KIF3C: variants seen among roughly 807,000 people sequenced by gnomAD.
KIF3C encodes kinesin family member 3C.
A neutral mutation model predicts 67.7 loss-of-function variants in KIF3C; 12 were observed. The observed-to-expected ratio is 0.18, with a 90% CI of 0.11 to 0.29. KIF3C has a LOEUF of 0.29. Among genes scored for constraint, KIF3C ranks in the 10% least tolerant of loss-of-function variants. The pLI is 1.00. For synonymous variants in KIF3C, 393 were observed against 426.2 expected (o/e 0.92, Z 0.96); for missense variants, 789 against 1,059.6 (o/e 0.74, Z 3.55).
At chr2:25,976,641 A>AT (rs1265478162) in intron 1 of KIF3C, among the ~76,000 whole-genome samples, 1 of 152,082 alleles carries the variant, frequency 6.6e-6, no homozygotes, top group Non-Finnish European at 1.5e-5. Context: ...GGCACCTGTA[A>AT]TCCCAGCTAC....
At chr2:25,949,497 T>C (rs1414245917) in intron 5 of KIF3C, among the ~76,000 whole-genome samples, 1 of 151,366 alleles carries the variant, frequency 6.6e-6, no homozygotes, top group Non-Finnish European at 1.5e-5. Context: ...TGAGCTGTGA[T>C]TACACCACTG....
chr2:25,935,064 T>C (rs911066771), intron 5 of KIF3C, among the ~76,000 whole-genome samples: 1 of 151,888 alleles, frequency 6.6e-6, no homozygotes, highest in African/African-American at 2.4e-5. Flanking sequence ...GCCAACATGG[T>C]GAAACCCCGT....
rs1301434633 is a variant in KIF3C at position 25,927,595 on chromosome 2, A to G, written c.*1383T>C. ...CCCGCCACCACCTCCCACACCCCCCATTTCAGGCAGATCTGTCAGTCTCAT... is the reference window on the plus strand; with the variant it reads ...CCCGCCACCACCTCCCACACCCCCCGTTTCAGGCAGATCTGTCAGTCTCAT... On this transcript the variant is annotated 3_prime_UTR_variant, in exon 8 of 8. Transcript: ENST00000264712. 1 of 151,132 alleles carries G rather than the reference A, an allele frequency of 6.6e-6. No individual in the cohort carries two copies. The highest frequency in any genetic ancestry group is 1.5e-5 in the Non-Finnish European group (1 of 67,842). The allele number at this position is 151,132 out of a possible 1,614,324, so 9.4% of individuals were successfully genotyped here.
chr2:25,951,824 C>A lies in KIF3C; in HGVS notation c.1971G>T (p.Glu657Asp), dbSNP rs1287558358. The part of the protein sequence containing the change: ...MNRLFLDCEE[E>D]QWKFQPLVPA... ...GCACCAGTGGCTGGAACTTCCACTG[C>A]TCCTCCTCACAGTCCAGGAAAAGCC... The change falls in exon 5 of 8, where the codon GAG (glutamate) becomes GAT (aspartate). Residue 657 changes from glutamate (E) to aspartate (D), a missense_variant. This residue lies in a region of KIF3C where 648 missense variants were observed against 807.8 expected (regional missense o/e 0.80). Transcript: ENST00000264712. The A allele has an allele frequency of 1.2e-6, 2 of 1,613,816 alleles. No homozygotes were observed. Among genetic ancestry groups the A allele is most frequent in the Non-Finnish European group, 1.7e-6 (2 of 1,179,874 alleles).
Position 25,962,788 on chromosome 2 carries a change from A to T in KIF3C, c.1546-6344T>A, listed in dbSNP as rs1010589620. On this transcript the variant is annotated intron_variant, in intron 1 of 7. Coordinates refer to ENST00000264712, the MANE Select transcript of KIF3C (RefSeq NM_002254.8). ...TATATAAAATATATGTTATATATAT[A>T]ATATATATTATATAATATATAATAT... 1.1e-4 allele frequency among the ~76,000 whole-genome samples: 9 copies of T among 84,128 alleles called. 1 individual carries two copies. Among genetic ancestry groups the T allele is most frequent in the African/African-American group, 3.7e-4 (7 of 18,820 alleles). 55.2% of individuals were successfully genotyped at this position (84,128 alleles called of 152,430 possible). A position where few individuals can be genotyped will look rare whatever the true frequency, so the allele number is the denominator to read the frequency against.
At chr2:25,950,222 C>CTT (rs577841893) in intron 5 of KIF3C, among the ~76,000 whole-genome samples, 6 of 141,494 alleles carry the variant, frequency 4.2e-5, no homozygotes, top group Admixed American at 7.2e-5. Flanking sequence ...CTTTTCTTTT[C>CTT]TTTTTTTTTT....
intron 5 of KIF3C, among the ~76,000 whole-genome samples, chr2:25,943,299 A>G (rs1465295458): frequency 1.3e-5 from 2 of 152,088 alleles, no homozygotes; most frequent in Non-Finnish European, 2.9e-5. Context: ...GGTTCCTGAA[A>G]TGAGGAAAGC....
chr2:25,978,367 C>T (rs570016590), intron 1 of KIF3C, among the ~76,000 whole-genome samples: 10 of 152,246 alleles, frequency 6.6e-5, no homozygotes, highest in Non-Finnish European at 1.5e-4. Flanking sequence ...ATGAATTACT[C>T]TGATTATCAA....
chr2:25,957,573 A>G (rs1239700871), intron 1 of KIF3C, among the ~76,000 whole-genome samples: 2 of 152,092 alleles, frequency 1.3e-5, no homozygotes, highest in African/African-American at 2.4e-5. Flanking sequence ...CCAGTGGAAA[A>G]AGCTGGCTGC....
At chr2:25,929,273 C>T in intron 7 of KIF3C, 32 bp downstream of exon 7, 1 of 1,604,690 alleles carries the variant, frequency 6.2e-7, no homozygotes, top group Non-Finnish European at 8.5e-7. Flanking sequence ...CCTCCTGGGT[C>T]CAGTGCTGCC....
intron 5 of KIF3C, among the ~76,000 whole-genome samples, chr2:25,932,874 A>AAAACG (rs2090473903): frequency 6.7e-6 from 1 of 148,296 alleles, no homozygotes; most frequent in South Asian, 2.1e-4. Context: ...AAAACAAAAC[A>AAAACG]AAACAAAACT....
At chr2:25,950,272 C>A (rs1285625152) in intron 5 of KIF3C, among the ~76,000 whole-genome samples, 1 of 149,554 alleles carries the variant, frequency 6.7e-6, no homozygotes, top group Non-Finnish European at 1.5e-5. Flanking sequence ...GGCTGGAGCG[C>A]AATGGAGTGA....
intron 5 of KIF3C, among the ~76,000 whole-genome samples, chr2:25,937,433 G>C (rs1490227376): frequency 6.6e-6 from 1 of 152,146 alleles, no homozygotes; most frequent in Non-Finnish European, 1.5e-5. Context: ...AGCCCCAGCT[G>C]GGTCTGCAGC....
Position 25,929,444 on chromosome 2 carries a change from A to T in KIF3C, c.2149T>A (p.Ser717Thr). 1 of 1,613,914 alleles carries T rather than the reference A, an allele frequency of 6.2e-7. No individual in the cohort carries two copies. Among genetic ancestry groups the T allele is most frequent in the East Asian group, 2.2e-5 (1 of 44,872 alleles). Reference protein sequence around the residue: ...ENIMFLELDVSPPAVFEMEFS... With the variant: ...ENIMFLELDVTPPAVFEMEFS... ...TCCATCTCAAAGACAGCTGGAGGGG[A>T]CACATCCAACTCCAGAAACATTATG... is the stretch of plus-strand genomic sequence containing the variant. Residue 717 changes from serine to threonine, a missense_variant, in exon 7 of 8, where the codon TCC becomes ACC. Physicochemically the swap from Ser to Thr is moderately conservative, Grantham distance 58. Coordinates refer to ENST00000264712, the MANE Select transcript of KIF3C (RefSeq NM_002254.8).
In KIF3C at chr2:25,980,518, C is replaced by G; in HGVS notation, c.1400G>C (p.Arg467Pro). 6.2e-7 allele frequency: 1 copy of G among 1,614,136 alleles called. No individual in the cohort carries two copies. The highest frequency in any genetic ancestry group is 8.5e-7 in the Non-Finnish European group (1 of 1,180,022). ...MENYLQEQKE[R>P]LEEEKAAIQD... ...GATGGCTGCCTTCTCCTCCTCCAGC[C>G]GCTCCTTCTGTTCCTGCAGGTAATT... Residue 467 changes from arginine (R) to proline (P), a missense_variant, in exon 1 of 8, where the codon CGG becomes CCG. Around this residue, in one of 2 missense-constraint regions of KIF3C, gnomAD observed 648 missense variants for 807.8 expected, o/e 0.80. Coordinates refer to ENST00000264712, the MANE Select transcript of KIF3C (RefSeq NM_002254.8). This position sits in a 1 kb window ranked among gnomAD's most constrained non-coding sequence, Gnocchi z 7.6.
intron 1 of KIF3C, among the ~76,000 whole-genome samples, chr2:25,964,318 T>C (rs1330039903): frequency 6.6e-6 from 1 of 152,044 alleles, no homozygotes; most frequent in Non-Finnish European, 1.5e-5. Flanking sequence ...TAAAATAAAA[T>C]AAAAATAAAC....
chr2:25,928,720 A>G lies in KIF3C; in HGVS notation c.*258T>C. ...AAGTCAGAAGAAAAAGAGGCTACGC[A>G]GTGACCACGGTAGGCCCAGACGGCT... On this transcript the variant is annotated 3_prime_UTR_variant, in exon 8 of 8. Coordinates refer to ENST00000264712, the MANE Select transcript of KIF3C (RefSeq NM_002254.8). 5.3e-6 allele frequency: 2 copies of G among 377,326 alleles called. No individual in the cohort carries two copies. Among genetic ancestry groups the G allele is most frequent in the African/African-American group, 2.1e-5 (1 of 48,234 alleles). The allele number at this position is 377,326 out of a possible 1,614,324, so 23.4% of individuals were successfully genotyped here. A position where few individuals can be genotyped will look rare whatever the true frequency, so the allele number is the denominator to read the frequency against.
intron 1 of KIF3C, among the ~76,000 whole-genome samples, chr2:25,971,287 A>G (rs1171352710): frequency 6.6e-6 from 1 of 151,332 alleles, no homozygotes; most frequent in Non-Finnish European, 1.5e-5. Flanking sequence ...AAAAAAAAAA[A>G]AAAATAGCAG....
chr2:25,977,905 C>G (rs1664456911), intron 1 of KIF3C, among the ~76,000 whole-genome samples: 1 of 152,158 alleles, frequency 6.6e-6, no homozygotes, highest in Admixed American at 6.5e-5. Context: ...GCTGATTGTC[C>G]TAGGCTGAGT....
Sources: gnomAD v4.1 joint callset for allele counts (sites outside exome capture counted in the v4.1 genomes callset) on GRCh38, gnomAD v4.1.1 for gene constraint, gnomAD v4.1.1 regional missense constraint, Gnocchi (gnomAD v3.1) non-coding constraint, MANE v1.5 for transcripts, NCBI Gene and HGNC (gene_info 2026-07-23, HGNC 2026-07-21) for gene names.